Variants in GRHL2 observed in about 807,000 individuals in gnomAD.
GRHL2 encodes grainyhead like transcription factor 2, also known as grainyhead-like protein 2 homolog.
In GRHL2, 21 loss-of-function variants were observed where a neutral mutation model predicts 83.8. That is an observed-to-expected ratio of 0.25 (90% CI 0.18 to 0.36). The LOEUF is 0.36. Among genes scored for constraint, GRHL2 ranks in the 10% least tolerant of loss-of-function variants. GRHL2 has a pLI of 1.00. For synonymous variants in GRHL2, 280 were observed against 278.9 expected (o/e 1.00, Z -0.04); for missense variants, 623 against 781.8 (o/e 0.80, Z 2.42).
chr8:101,494,580 A>G (rs1810056278), intron 1 of GRHL2, among the ~76,000 whole-genome samples: 1 of 152,184 alleles, frequency 6.6e-6, no homozygotes, highest in South Asian at 2.1e-4. Flanking sequence ...GGCGACAGCA[A>G]GTTTTTGGGG....
intron 8 of GRHL2, among the ~76,000 whole-genome samples, chr8:101,607,643 G>A (rs1032132447): frequency 6.6e-6 from 1 of 152,132 alleles, no homozygotes; most frequent in African/African-American, 2.4e-5. Context: ...AAATAGGGCT[G>A]GGGGGCACTC....
intron 4 of GRHL2, among the ~76,000 whole-genome samples, chr8:101,563,588 A>G (rs1214446450): frequency 2.6e-5 from 4 of 152,102 alleles, no homozygotes; most frequent in African/African-American, 9.7e-5. Context: ...AGGCTGTCAT[A>G]TTTCTTGGGT....
At chr8:101,632,074 TG>T in intron 10 of GRHL2, 151 bp from the exon 11 acceptor site, 1 of 838,014 alleles carries the variant, frequency 1.2e-6, no homozygotes, top group Non-Finnish European at 2.0e-6. Context: ...TTTGTTTTGC[TG>T]GGATGAGGTG....
downstream of GRHL2, chr8:101,669,728 AAC>A (rs146162901): frequency 6.6e-6 from 1 of 152,356 alleles, no homozygotes; most frequent in Non-Finnish European, 1.5e-5. Flanking sequence ...AGAGTAAAAC[AAC>A]AGTGTCTGGT....
intron 5 of GRHL2, among the ~76,000 whole-genome samples, chr8:101,573,088 T>C (rs146050533): frequency 3.9e-4 from 59 of 152,322 alleles, no homozygotes; most frequent in African/African-American, 1.3e-3. Context: ...CTGCCATGAG[T>C]TCTTCCGCAG....
chr8:101,568,794 A>G (rs981355192), intron 4 of GRHL2, among the ~76,000 whole-genome samples: 3 of 152,136 alleles, frequency 2.0e-5, no homozygotes, highest in African/African-American at 7.2e-5. Flanking sequence ...TGTCATGATT[A>G]TTTATTCAGC....
At chr8:101,522,255 T>G (rs976422366) in intron 1 of GRHL2, among the ~76,000 whole-genome samples, 8 of 152,068 alleles carry the variant, frequency 5.3e-5, no homozygotes, top group Non-Finnish European at 7.4e-5. Flanking sequence ...ACCAGCTGTA[T>G]TTCAAAGATA....
intron 1 of GRHL2, among the ~76,000 whole-genome samples, chr8:101,499,299 G>A (rs1810173928): frequency 6.6e-6 from 1 of 152,106 alleles, no homozygotes. Context: ...ATAGACATAC[G>A]TTTCTGGTTA....
At chr8:101,546,034 A>G (rs960723024) in intron 2 of GRHL2, among the ~76,000 whole-genome samples, 1 of 151,648 alleles carries the variant, frequency 6.6e-6, no homozygotes, top group African/African-American at 2.4e-5. Context: ...GGCACACTCT[A>G]CCATGACCAG....
chr8:101,579,753 G>A (rs1019605729), intron 7 of GRHL2, among the ~76,000 whole-genome samples: 13 of 152,128 alleles, frequency 8.5e-5, no homozygotes, highest in Non-Finnish European at 1.8e-4. Flanking sequence ...GAGCACCGAT[G>A]GTGTCCTGGC....
chr8:101,652,339 GTATGTGTGTGGTGTGTGTGGT>G (rs1813646782), intron 14 of GRHL2, among the ~76,000 whole-genome samples: 1 of 102,334 alleles, frequency 9.8e-6, no homozygotes, highest in South Asian at 3.5e-4. Context: ...TGGTGTGTGT[GTATGTGTGTGGTGTGTGTGGT>G]GTGTGTGTGT....
intron 7 of GRHL2, among the ~76,000 whole-genome samples, chr8:101,593,832 G>A (rs1487163505): frequency 6.6e-6 from 1 of 151,926 alleles, no homozygotes; most frequent in African/African-American, 2.4e-5. Flanking sequence ...TTGGGAGACC[G>A]AGGCAGGTGG....
intron 14 of GRHL2, among the ~76,000 whole-genome samples, chr8:101,662,258 G>A (rs563401559): frequency 3.3e-5 from 5 of 152,260 alleles, no homozygotes; most frequent in East Asian, 3.9e-4. Flanking sequence ...TCCTTGGCTC[G>A]TTTGGCTCAG....
At chr8:101,516,137 C>T (rs773098040) in intron 1 of GRHL2, among the ~76,000 whole-genome samples, 6 of 152,084 alleles carry the variant, frequency 3.9e-5, no homozygotes, top group African/African-American at 9.7e-5. Context: ...TCAGGAGGTC[C>T]GGTGCCCATT....
At chr8:101,542,150 C>G (rs1811166592) in intron 1 of GRHL2, among the ~76,000 whole-genome samples, 1 of 152,186 alleles carries the variant, frequency 6.6e-6, no homozygotes, top group Non-Finnish European at 1.5e-5. Flanking sequence ...ATAGATTAAA[C>G]TAGATAAAAC....
the GRHL2 span, among the ~76,000 whole-genome samples, chr8:101,674,907 T>A: frequency 1.3e-5 from 2 of 152,054 alleles, no homozygotes; most frequent in African/African-American, 2.4e-5. Flanking sequence ...GTTCAACACA[T>A]GCAAATCAAT....
intron 3 of GRHL2, among the ~76,000 whole-genome samples, chr8:101,554,318 C>A (rs1017642155): frequency 6.6e-6 from 1 of 152,170 alleles, no homozygotes; most frequent in African/African-American, 2.4e-5. Context: ...TTTCCTTGAC[C>A]CAGCCAGTTT....
intron 8 of GRHL2, among the ~76,000 whole-genome samples, chr8:101,607,099 T>A (rs1812647225): frequency 1.3e-5 from 2 of 152,250 alleles, no homozygotes; most frequent in Admixed American, 1.3e-4. Context: ...TTTTTTCTCC[T>A]TTCCCCCTTC....
At chr8:101,532,611 G>T (rs1431313675) in intron 1 of GRHL2, among the ~76,000 whole-genome samples, 1 of 152,068 alleles carries the variant, frequency 6.6e-6, no homozygotes, top group Non-Finnish European at 1.5e-5. Flanking sequence ...TTAGCTGGGC[G>T]TGGTGGCATG....
Sources: allele counts gnomAD v4.1 joint callset (sites outside exome capture counted in the v4.1 genomes callset), GRCh38; gene constraint gnomAD v4.1.1; transcripts MANE v1.5; gene names NCBI Gene and HGNC (gene_info 2026-07-23, HGNC 2026-07-21).